FOCAD: variants seen among roughly 807,000 people sequenced by gnomAD.
FOCAD encodes the protein focadhesin, also known as KIAA1797.
Under a neutral mutation model 225.6 loss-of-function variants are expected in FOCAD, and 198 were observed. The observed-to-expected ratio is 0.88, with a 90% CI of 0.78 to 0.99. FOCAD has a LOEUF of 0.99. FOCAD is among the 50% of genes least tolerant of loss of function. FOCAD has a pLI of 0.00. For synonymous variants in FOCAD, 897 were observed against 755.0 expected (o/e 1.19, Z -3.08); for missense variants, 2,713 against 2,123.6 (o/e 1.28, Z -5.46).
chr9:20,734,944 G>T (rs975812500), intron 4 of FOCAD, among the ~76,000 whole-genome samples: 1 of 152,088 alleles, frequency 6.6e-6, no homozygotes, highest in Non-Finnish European at 1.5e-5. Flanking sequence ...ATAGATAAGG[G>T]TATGTCTATA....
rs765608167 is a variant in FOCAD, at chr9:20,866,981, G to A, written c.2159G>A (p.Gly720Glu). The change falls in exon 18 of 44, where the codon GGA becomes GAA. Residue 720 changes from glycine (G) to glutamate (E), a missense_variant. Coordinates refer to ENST00000338382, the MANE Select transcript of FOCAD (RefSeq NM_001375567.1). Reference protein sequence around the residue: ...AYRSLANFSAGEHTILHLPEK... With the variant: ...AYRSLANFSAEEHTILHLPEK... ...AGATCCCTGGCCAACTTTAGTGCAG[G>A]AGAACACACCATTCTTCATCTGCCT... 18 of 1,526,796 alleles carry A rather than the reference G, an allele frequency of 1.2e-5. No homozygotes were observed. The East Asian group carries it at 3.0e-4, about 25-fold the overall frequency. The allele number at this position is 1,526,796 out of a possible 1,614,324, so 94.6% of individuals were successfully genotyped here.
chr9:20,950,146 A>T (rs988669579), intron 33 of FOCAD, among the ~76,000 whole-genome samples: 4 of 152,148 alleles, frequency 2.6e-5, no homozygotes, highest in African/African-American at 4.8e-5. Flanking sequence ...TTAAAAAAAA[A>T]AGATTATGTT....
chr9:20,864,686 A>G (rs1339040966), intron 16 of FOCAD, among the ~76,000 whole-genome samples: 1 of 152,102 alleles, frequency 6.6e-6, no homozygotes, highest in African/African-American at 2.4e-5. Flanking sequence ...AATGGAGTCC[A>G]TGATTTAATT....
At chr9:20,814,785 T>G (rs1404935172) in intron 11 of FOCAD, among the ~76,000 whole-genome samples, 7 of 152,184 alleles carry the variant, frequency 4.6e-5, no homozygotes, top group Admixed American at 2.0e-4. Flanking sequence ...CATAAACTAC[T>G]CTTTTACTTC....
At chr9:20,762,755 T>C (rs1214548260) in intron 6 of FOCAD, among the ~76,000 whole-genome samples, 6 of 152,144 alleles carry the variant, frequency 3.9e-5, no homozygotes, top group Non-Finnish European at 7.4e-5. Flanking sequence ...GTTTGGCCTT[T>C]TATTGATTCT....
intron 15 of FOCAD, among the ~76,000 whole-genome samples, chr9:20,825,774 A>G (rs1019211419): frequency 6.6e-6 from 1 of 152,208 alleles, no homozygotes; most frequent in African/African-American, 2.4e-5. Flanking sequence ...GTTTAGAATT[A>G]TTGCTGCTTA....
chr9:20,717,881 C>G lies in FOCAD; in HGVS notation c.132+13C>G, dbSNP rs771385555. ...ATCTACAAATCAGGTCTGTGTTTAA[C>G]TTTATGCTTTAATTCTCTTCAGATA... On this transcript the variant is annotated intron_variant, in intron 3 of 43. Coordinates refer to ENST00000338382, the MANE Select transcript of FOCAD (RefSeq NM_001375567.1). 1 of 1,603,644 alleles carries G rather than the reference C, an allele frequency of 6.2e-7. No individual in the cohort carries two copies. The highest frequency in any genetic ancestry group is 1.7e-5 in the Admixed American group (1 of 59,942).
chr9:20,873,551 G>A (rs1829980852), intron 18 of FOCAD, among the ~76,000 whole-genome samples: 1 of 152,124 alleles, frequency 6.6e-6, no homozygotes. Context: ...TGAGAATTAG[G>A]TACTTAATAC....
At chr9:20,754,247 G>C (rs1350287459) in intron 5 of FOCAD, among the ~76,000 whole-genome samples, 5 of 152,078 alleles carry the variant, frequency 3.3e-5, no homozygotes, top group Non-Finnish European at 7.4e-5. Flanking sequence ...GCAAGACTGA[G>C]CAATACTTAG....
rs377009710 is a variant in FOCAD, at chr9:20,982,402, G to C, written c.4684G>C (p.Glu1562Gln). 3.5e-5 allele frequency: 56 copies of C among 1,613,852 alleles called. No homozygotes were observed. The highest frequency in any genetic ancestry group is 4.2e-5 in the Non-Finnish European group (49 of 1,179,930). ...TATCAGCATAGCAAAATGCCTCTTAGAAATGACAGATGATGATGCCAATCG... is the reference window on the plus strand; with the variant it reads ...TATCAGCATAGCAAAATGCCTCTTACAAATGACAGATGATGATGCCAATCG... The part of the protein sequence containing the change: ...LYISIAKCLL[E>Q]MTDDDANRIA... Residue 1562 changes from glutamate (E) to glutamine (Q), a missense_variant, in exon 39 of 44, where the codon GAA becomes CAA. Coordinates refer to ENST00000338382, the MANE Select transcript of FOCAD (RefSeq NM_001375567.1).
At chr9:20,838,320 T>C (rs1428290919) in intron 15 of FOCAD, among the ~76,000 whole-genome samples, 1 of 152,058 alleles carries the variant, frequency 6.6e-6, no homozygotes, top group Non-Finnish European at 1.5e-5. Context: ...CTTATTTCTT[T>C]TCACAATAGC....
intron 23 of FOCAD, among the ~76,000 whole-genome samples, chr9:20,914,309 T>A (rs1241872530): frequency 2.6e-5 from 4 of 152,170 alleles, no homozygotes; most frequent in Non-Finnish European, 5.9e-5. Flanking sequence ...ATAAAGCCCC[T>A]TCTTTGTCCC....
At chr9:20,806,259 C>G (rs1822442983) in intron 11 of FOCAD, among the ~76,000 whole-genome samples, 1 of 152,144 alleles carries the variant, frequency 6.6e-6, no homozygotes, top group Non-Finnish European at 1.5e-5. Flanking sequence ...TTAAATTATT[C>G]TATATGAAGT....
At chr9:20,771,958 C>T (rs1294703559) in intron 8 of FOCAD, among the ~76,000 whole-genome samples, 1 of 152,082 alleles carries the variant, frequency 6.6e-6, no homozygotes, top group Non-Finnish European at 1.5e-5. Context: ...ACCCTGATGA[C>T]CTCACTTAAC....
rs781671982 is a variant in FOCAD at position 20,990,104 on chromosome 9, A to C, written c.5005-19A>C. The C allele has an allele frequency of 1.2e-6, 2 of 1,613,100 alleles. No individual in the cohort carries two copies. Among genetic ancestry groups the C allele is most frequent in the Admixed American group, 1.7e-5 (1 of 59,972 alleles). ...TTGTTAAAAAATATGACCTAACGTC[A>C]TTTCTATTTTCATCGTAGGCTTTGG... is the stretch of plus-strand genomic sequence containing the variant. On this transcript the variant is annotated intron_variant, in intron 41 of 43. Transcript: ENST00000338382.
intron 1 of FOCAD, among the ~76,000 whole-genome samples, chr9:20,686,758 ATATGAG>A (rs903681509): frequency 1.2e-4 from 18 of 152,238 alleles, no homozygotes; most frequent in African/African-American, 1.7e-4. Flanking sequence ...TGGTATACTT[ATATGAG>A]TATAAGTCTG....
At chr9:20,669,517 G>A (rs941309693) in intron 2 of FOCAD, among the ~76,000 whole-genome samples, 2 of 152,222 alleles carry the variant, frequency 1.3e-5, no homozygotes, top group African/African-American at 2.4e-5. Context: ...GCTCATGCTT[G>A]TAATCCCAGC....
At chr9:20,921,426 T>C (rs933888325) in intron 24 of FOCAD, among the ~76,000 whole-genome samples, 1 of 152,214 alleles carries the variant, frequency 6.6e-6, no homozygotes, top group Non-Finnish European at 1.5e-5. Flanking sequence ...GGGATAGTTA[T>C]TTGAGCAACA....
At chr9:20,935,980 GAATT>G (rs1413610449) in intron 28 of FOCAD, among the ~76,000 whole-genome samples, 1 of 152,112 alleles carries the variant, frequency 6.6e-6, no homozygotes, top group African/African-American at 2.4e-5. Flanking sequence ...ATCAAAAAAA[GAATT>G]AAACACACTC....
Sources: allele counts gnomAD v4.1 joint callset (sites outside exome capture counted in the v4.1 genomes callset), GRCh38; gene constraint gnomAD v4.1.1; transcripts MANE v1.5; gene names NCBI Gene and HGNC (gene_info 2026-07-23, HGNC 2026-07-21).